CEP68: variants seen among roughly 807,000 people sequenced by gnomAD.
The protein encoded by CEP68 is centrosomal protein of 68 kDa.
Under a neutral mutation model 55.3 loss-of-function variants are expected in CEP68, and 26 were observed. The observed-to-expected ratio is 0.47, with a 90% CI of 0.34 to 0.65. The LOEUF is 0.65. Ranked by LOEUF, CEP68 falls within the 30% of genes least tolerant of loss-of-function variation. CEP68 has a pLI of 0.01. For synonymous variants in CEP68, 402 were observed against 383.2 expected, an observed-to-expected ratio of 1.05 and a Z score of -0.57; for missense variants, 957 against 946.7, an observed-to-expected ratio of 1.01 and a Z score of -0.14.
chr2:65,080,047 C>T (rs893696854), intron 5 of CEP68, among the ~76,000 whole-genome samples: 12 of 151,880 alleles, frequency 7.9e-5, no homozygotes, highest in African/African-American at 2.4e-4. Context: ...GCAGGTGAAT[C>T]GCTTGAACCC....
At chr2:65,076,351 G>C (rs1166105065) in intron 4 of CEP68, among the ~76,000 whole-genome samples, 3 of 152,168 alleles carry the variant, frequency 2.0e-5, no homozygotes, top group African/African-American at 4.8e-5. Flanking sequence ...CTGTACCTCA[G>C]CTTCTAGGCT....
At chr2:65,076,566 C>T (rs1357181183) in intron 4 of CEP68, among the ~76,000 whole-genome samples, 1 of 152,148 alleles carries the variant, frequency 6.6e-6, no homozygotes, top group African/African-American at 2.4e-5. Context: ...GGATTAAGAC[C>T]TAGTATAAGC....
chr2:65,071,059 G>A (rs1041547274), intron 2 of CEP68: 8 of 219,780 alleles, frequency 3.6e-5, no homozygotes, highest in Non-Finnish European at 6.4e-5. Context: ...GGTCTGGGGC[G>A]ACCTCCTGGG....
chr2:65,065,498 A>G (rs1196914841), intron 1 of CEP68, among the ~76,000 whole-genome samples: 1 of 152,214 alleles, frequency 6.6e-6, no homozygotes, highest in Non-Finnish European at 1.5e-5. Context: ...ACTTGAAAGG[A>G]CATATAACGA....
In CEP68 at chr2:65,069,711, G is replaced by C. The variant is rs1278309597; in HGVS notation, c.267G>C (p.Glu89Asp). 1.2e-6 allele frequency: 2 copies of C among 1,614,136 alleles called. No individual in the cohort carries two copies. Among genetic ancestry groups the C allele is most frequent in the Non-Finnish European group, 8.5e-7 (1 of 1,180,030 alleles). ...CACAGGCCAGTGATGCCAACAGAGAGCCCGTAGCTGAGAGGTCTGAGCCTG... is the reference window on the plus strand; with the variant it reads ...CACAGGCCAGTGATGCCAACAGAGACCCCGTAGCTGAGAGGTCTGAGCCTG... ...HQPQASDANR[E>D]PVAERSEPAL... The change falls in exon 2 of 7, where the codon GAG becomes GAC. Residue 89 changes from glutamate to aspartate, a missense_variant. Coordinates refer to ENST00000377990, the MANE Select transcript of CEP68 (RefSeq NM_015147.3).
At chr2:65,056,913 C>G (rs1338897878) in intron 1 of CEP68, among the ~76,000 whole-genome samples, 2 of 152,344 alleles carry the variant, frequency 1.3e-5, no homozygotes, top group East Asian at 3.9e-4. Context: ...GTCACTTTCC[C>G]TCAGGCCTCT....
At chr2:65,062,476 T>A (rs1675957337) in intron 1 of CEP68, among the ~76,000 whole-genome samples, 1 of 141,716 alleles carries the variant, frequency 7.1e-6, no homozygotes, top group African/African-American at 2.7e-5. Flanking sequence ...GAGGTTGCAA[T>A]GAGCCAAGAT....
chr2:65,071,219 A>G (rs1320292522), intron 2 of CEP68: 8 of 550,048 alleles, frequency 1.5e-5, no homozygotes, highest in South Asian at 2.2e-5. Flanking sequence ...GGAGGAAGGA[A>G]GAACCTTGGA....
chr2:65,058,034 A>G (rs1348941590), intron 1 of CEP68, among the ~76,000 whole-genome samples: 1 of 152,256 alleles, frequency 6.6e-6, no homozygotes, highest in East Asian at 1.9e-4. Flanking sequence ...AGGATTAAAT[A>G]AGATATTGAT....
chr2:65,083,117 C>CCAT (rs900465701), intron 6 of CEP68, among the ~76,000 whole-genome samples: 136 of 150,074 alleles, frequency 9.1e-4, no homozygotes, highest in African/African-American at 3.3e-3. Context: ...ATTTGGTACT[C>CCAT]CATCTCCAAG....
chr2:65,066,351 C>T (rs900531719), intron 1 of CEP68, among the ~76,000 whole-genome samples: 4 of 152,134 alleles, frequency 2.6e-5, no homozygotes, highest in Non-Finnish European at 4.4e-5. Flanking sequence ...AATCCTAGCA[C>T]TTTGGGAGGC....
At chr2:65,067,903 A>G (rs1164196064) in intron 1 of CEP68, among the ~76,000 whole-genome samples, 1 of 152,134 alleles carries the variant, frequency 6.6e-6, no homozygotes, top group Non-Finnish European at 1.5e-5. Flanking sequence ...CATCAGGCAG[A>G]GTAGGGAAGG....
At chr2:65,057,189 T>G (rs1197838338) in intron 1 of CEP68, among the ~76,000 whole-genome samples, 1 of 152,238 alleles carries the variant, frequency 6.6e-6, no homozygotes, top group African/African-American at 2.4e-5. Context: ...GTGTATTGTT[T>G]GTAACAAAAA....
intron 1 of CEP68, among the ~76,000 whole-genome samples, 155 bp downstream of exon 1, chr2:65,056,683 C>T (rs1290262963): frequency 6.6e-6 from 1 of 152,012 alleles, no homozygotes; most frequent in Admixed American, 6.5e-5. Flanking sequence ...GGCCTCGCGT[C>T]CCCGCCGGCA....
At chr2:65,070,575 G>C (rs758987801) in intron 2 of CEP68, 2 of 152,244 alleles carry the variant, frequency 1.3e-5, no homozygotes, top group Non-Finnish European at 2.9e-5. Context: ...CTCTGAGCGG[G>C]ACTGGGAGAG....
At chr2:65,068,973 C>G (rs1676328629) in intron 1 of CEP68, among the ~76,000 whole-genome samples, 1 of 152,194 alleles carries the variant, frequency 6.6e-6, no homozygotes, top group Non-Finnish European at 1.5e-5. Flanking sequence ...ACAGTCAGAG[C>G]CAGGCCTGAG....
In CEP68 at chr2:65,082,283, G is replaced by A. The variant is rs146141244; in HGVS notation, c.2105-253G>A. On this transcript the variant is annotated intron_variant, in intron 5 of 6. Transcript: ENST00000377990. The stretch of plus-strand genomic sequence containing the variant: ...CCATAATATCTCTGTGCCCTTCTGT[G>A]AATTACGTAATTTCAAAGTGGAGTC... Among the ~76,000 whole-genome samples, 758 of 152,288 alleles carry A rather than the reference G, an allele frequency of 5.0e-3. 25 individuals carry two copies. Among genetic ancestry groups the A allele is most frequent in the Admixed American group, 0.045 (686 of 15,300 alleles).
At chr2:65,081,754 A>T (rs1216604541) in intron 5 of CEP68, among the ~76,000 whole-genome samples, 1 of 152,152 alleles carries the variant, frequency 6.6e-6, no homozygotes, top group African/African-American at 2.4e-5. Context: ...CTGGAGTGCG[A>T]TGGCACAGTC....
chr2:65,082,408 C>T, intron 5 of CEP68, 128 bp from the exon 6 acceptor site: 1 of 710,228 alleles, frequency 1.4e-6, no homozygotes, highest in Non-Finnish European at 2.0e-6. Context: ...GGCAGACATT[C>T]AGAAACTACT....
Sources: allele counts gnomAD v4.1 joint callset (sites outside exome capture counted in the v4.1 genomes callset), GRCh38; gene constraint gnomAD v4.1.1; transcripts MANE v1.5; gene names NCBI Gene and HGNC (gene_info 2026-07-23, HGNC 2026-07-21).